Variants in ANK2 observed in about 807,000 individuals in gnomAD.
ANK2 encodes ankyrin 2.
In ANK2, 83 loss-of-function variants were observed where a neutral mutation model predicts 360.5. The observed-to-expected ratio is 0.23, with a 90% confidence interval of 0.19 to 0.28. ANK2 has a LOEUF of 0.28. Ranked by LOEUF, ANK2 falls within the 10% of genes least tolerant of loss-of-function variation. The pLI is 1.00. For synonymous variants in ANK2, 1,740 were observed against 1,759.5 expected (o/e 0.99, Z 0.28); for missense variants, 4,201 against 4,795.7 (o/e 0.88, Z 3.66).
chr4:112,779,121 T>C, the ANK2 span, among the ~76,000 whole-genome samples: 1 of 152,182 alleles, frequency 6.6e-6, no homozygotes, highest in Admixed American at 6.5e-5. Flanking sequence ...TTTCTGGGAG[T>C]GCCGAGCCAC....
chr4:112,996,553 T>C (rs2048580952), intron 2 of ANK2, among the ~76,000 whole-genome samples: 1 of 152,168 alleles, frequency 6.6e-6, no homozygotes, highest in African/African-American at 2.4e-5. Context: ...TTATATTTCA[T>C]TTATCTTAAT....
chr4:113,248,778 T>G (rs1021845880), intron 9 of ANK2, among the ~76,000 whole-genome samples: 23 of 152,214 alleles, frequency 1.5e-4, no homozygotes, highest in African/African-American at 5.5e-4. Flanking sequence ...TCTTCTTAAT[T>G]GCTCACCATC....
intron 1 of ANK2, among the ~76,000 whole-genome samples, chr4:112,902,659 C>G (rs556172108): frequency 6.6e-6 from 1 of 152,090 alleles, no homozygotes; most frequent in African/African-American, 2.4e-5. Flanking sequence ...TCACCACATG[C>G]GAAGTGAACT....
chr4:113,246,752 T>G (rs1293700931), intron 9 of ANK2, among the ~76,000 whole-genome samples: 12 of 152,196 alleles, frequency 7.9e-5, no homozygotes, highest in African/African-American at 2.4e-5. Flanking sequence ...ACAATAATGG[T>G]TTTCAATTGT....
At chr4:113,255,979 C>T (rs761991635) in intron 11 of ANK2, 47 bp downstream of exon 11, 3 of 1,583,476 alleles carry the variant, frequency 1.9e-6, no homozygotes, top group Non-Finnish European at 2.6e-6. Flanking sequence ...TTGAGACAAA[C>T]AAACCCACAT....
At chr4:113,361,165 T>A (rs983549624) in intron 39 of ANK2, among the ~76,000 whole-genome samples, 4 of 152,192 alleles carry the variant, frequency 2.6e-5, no homozygotes, top group African/African-American at 4.8e-5. Context: ...CTGTTGGCAG[T>A]TGTGGATATC....
chr4:113,138,704 G>C (rs1582784870), intron 1 of ANK2, among the ~76,000 whole-genome samples: 1 of 152,162 alleles, frequency 6.6e-6, no homozygotes, highest in East Asian at 1.9e-4. Context: ...ACACAGAACT[G>C]AGCTCTGTGT....
At chr4:113,374,835 A>G in intron 45 of ANK2, 3 of 1,271,504 alleles carry the variant, frequency 2.4e-6, no homozygotes, top group Non-Finnish European at 3.1e-6. Flanking sequence ...AAGGCCGTAG[A>G]GTCAGCAAAG....
chr4:112,748,362 G>C, the ANK2 span, among the ~76,000 whole-genome samples: 1 of 152,130 alleles, frequency 6.6e-6, no homozygotes, highest in Non-Finnish European at 1.5e-5. Context: ...ATTCAGTCTT[G>C]TTAGACTTGA....
the ANK2 span, among the ~76,000 whole-genome samples, chr4:112,804,093 A>G: frequency 2.0e-5 from 3 of 150,564 alleles, no homozygotes; most frequent in African/African-American, 7.4e-5. Flanking sequence ...ATCTCGGCTC[A>G]CTGCAACCTC....
intron 1 of ANK2, among the ~76,000 whole-genome samples, chr4:112,847,835 C>T (rs1016779444): frequency 1.3e-5 from 2 of 152,210 alleles, no homozygotes. Context: ...CTAGAAGGCC[C>T]TTCACAGTCT....
intron 1 of ANK2, among the ~76,000 whole-genome samples, chr4:112,901,432 A>C (rs1247432881): frequency 2.0e-5 from 3 of 152,246 alleles, no homozygotes; most frequent in Admixed American, 6.5e-5. Context: ...TCATCTTTAT[A>C]GGAAGTTTTT....
Position 113,356,933 on chromosome 4 carries a change from G to C in ANK2, c.8315G>C (p.Cys2772Ser), listed in dbSNP as rs1377656916. ...LNRDTDQPKI[C>S]DGHGCEAMSP... Reference sequence around the variant, plus strand: ...AGAGACACTGATCAGCCAAAAATCTGTGATGGCCATGGATGTGAGGCCATG... The same window carrying C: ...AGAGACACTGATCAGCCAAAAATCTCTGATGGCCATGGATGTGAGGCCATG... Residue 2772 changes from cysteine (C) to serine (S), a missense_variant, in exon 38 of 46, where the codon TGT becomes TCT. Physicochemically the swap from Cys to Ser is moderately radical, Grantham distance 112. This residue lies in a region of ANK2 where 2,642 missense variants were observed against 2,714.5 expected (regional missense o/e 0.97). Coordinates refer to ENST00000357077, the MANE Select transcript of ANK2 (RefSeq NM_001148.6). 1.9e-6 allele frequency: 3 copies of C among 1,614,064 alleles called. No individual in the cohort carries two copies. Among genetic ancestry groups the C allele is most frequent in the Non-Finnish European group, 2.5e-6 (3 of 1,179,968 alleles).
At chr4:112,708,388 A>G in the ANK2 span, among the ~76,000 whole-genome samples, 19 of 152,348 alleles carry the variant, frequency 1.2e-4, no homozygotes, top group South Asian at 3.9e-3. Flanking sequence ...CAAAGGAGTA[A>G]AGATTTTAAT....
rs567082994 is a variant in ANK2, at chr4:113,143,652, G to A, written c.85-30764G>A. 8.5e-5 allele frequency among the ~76,000 whole-genome samples: 13 copies of A among 152,176 alleles called. 1 individual carries two copies. The highest frequency in any genetic ancestry group is 2.9e-4 in the African/African-American group (12 of 41,530). On this transcript the variant is annotated intron_variant, in intron 1 of 45. Coordinates refer to ENST00000357077, the MANE Select transcript of ANK2 (RefSeq NM_001148.6). Reference sequence around the variant, plus strand: ...TCTTGGTTGGCATTCTTTGTTTTGGGTTTATATTCTGAATAAAATAGTTCA... The same window carrying A: ...TCTTGGTTGGCATTCTTTGTTTTGGATTTATATTCTGAATAAAATAGTTCA...
chr4:113,309,361 A>T (rs1372173698), intron 23 of ANK2, among the ~76,000 whole-genome samples: 1 of 152,206 alleles, frequency 6.6e-6, no homozygotes, highest in Non-Finnish European at 1.5e-5. Context: ...GAAAATGCTA[A>T]AAATTCACTT....
chr4:113,077,416 T>C (rs1013590788), intron 1 of ANK2, among the ~76,000 whole-genome samples: 1 of 152,136 alleles, frequency 6.6e-6, no homozygotes, highest in Non-Finnish European at 1.5e-5. Context: ...TCAATAAGTT[T>C]ATGTGACTTT....
intron 2 of ANK2, among the ~76,000 whole-genome samples, 196 bp downstream of exon 2, chr4:113,174,713 G>A (rs1185622956): frequency 6.6e-6 from 1 of 152,136 alleles, no homozygotes; most frequent in African/African-American, 2.4e-5. Flanking sequence ...TGCTGAAAAA[G>A]CAGATAGATC....
At position 113,359,009 on chromosome 4, in the gene ANK2, A is replaced by G; in HGVS notation, c.10391A>G (p.Lys3464Arg). The change falls in exon 38 of 46, where the codon AAG becomes AGG. Residue 3464 changes from lysine (K) to arginine (R), a missense_variant. Around this residue, in one of 4 missense-constraint regions of ANK2, gnomAD observed 2,642 missense variants for 2,714.5 expected, o/e 0.97. Transcript: ENST00000357077. ...GGCACGAGCCCCACAAAAGAAAGTA[A>G]GGAGCATTTCTTTGACCTTTACAGA... ...RGGTSPTKES[K>R]EHFFDLYRNS... 6.2e-7 allele frequency: 1 copy of G among 1,614,148 alleles called. No homozygotes were observed. Among genetic ancestry groups the G allele is most frequent in the African/African-American group, 1.3e-5 (1 of 75,064 alleles).
Sources: gnomAD v4.1 joint callset for allele counts (sites outside exome capture counted in the v4.1 genomes callset) on GRCh38, gnomAD v4.1.1 for gene constraint, gnomAD v4.1.1 regional missense constraint, MANE v1.5 for transcripts, NCBI Gene and HGNC (gene_info 2026-07-23, HGNC 2026-07-21) for gene names.